The following STOX2 variants were observed in gnomAD, a reference collection of about 807,000 sequenced individuals.
The protein encoded by STOX2 is storkhead-box protein 2.
A neutral mutation model predicts 60.9 loss-of-function variants in STOX2; 28 were observed. The observed-to-expected ratio is 0.46, with a 90% CI of 0.34 to 0.63. The LOEUF (loss-of-function observed/expected upper bound fraction) is 0.63, where lower values mean the gene tolerates loss of function less well. Among genes scored for constraint, STOX2 ranks in the 30% least tolerant of loss-of-function variants. The pLI is 0.01. For missense variants in STOX2, 1,024 were observed against 1,187.7 expected, an observed-to-expected ratio of 0.86 and a Z score of 2.03; for synonymous variants, 472 against 463.9, an observed-to-expected ratio of 1.02 and a Z score of -0.22.
intron 1 of STOX2, among the ~76,000 whole-genome samples, chr4:183,999,059 C>T (rs1464688234): frequency 6.6e-6 from 1 of 151,460 alleles, no homozygotes; most frequent in Non-Finnish European, 1.5e-5. Flanking sequence ...AGCAAACAAA[C>T]AAAAAAACAA....
rs185465577 is a variant in STOX2, at chr4:183,971,597, A to G, written c.167-29728A>G. 2.4e-3 allele frequency among the ~76,000 whole-genome samples: 362 copies of G among 152,352 alleles called. 5 individuals carry two copies. Among genetic ancestry groups the G allele is most frequent in the East Asian group, 3.1e-3 (16 of 5,188 alleles). On this transcript the variant is annotated intron_variant, in intron 1 of 3. Coordinates refer to ENST00000308497, the MANE Select transcript of STOX2 (RefSeq NM_020225.3). Reference sequence around the variant, plus strand: ...AAAGGAAGCTAACTTTGAGTCACCCATATCTGTCCACTATTATCACAGAGG... The same window carrying G: ...AAAGGAAGCTAACTTTGAGTCACCCGTATCTGTCCACTATTATCACAGAGG...
chr4:183,862,560 G>A (rs1740472952), intron 1 of STOX2, among the ~76,000 whole-genome samples: 1 of 152,230 alleles, frequency 6.6e-6, no homozygotes, highest in Non-Finnish European at 1.5e-5. Context: ...TTCTGAAGAA[G>A]TGACAATGGG....
intron 1 of STOX2, among the ~76,000 whole-genome samples, chr4:183,877,009 G>A (rs916140296): frequency 4.6e-5 from 7 of 152,080 alleles, no homozygotes; most frequent in South Asian, 4.1e-4. Flanking sequence ...GCCACCACTC[G>A]GCTTCAGGAA....
chr4:183,859,949 C>G (rs1740392765), intron 1 of STOX2, among the ~76,000 whole-genome samples: 1 of 151,996 alleles, frequency 6.6e-6, no homozygotes, highest in South Asian at 2.1e-4. Context: ...TATTTACTGA[C>G]AGAATTTCCT....
chr4:184,009,512 C>T lies in STOX2; in HGVS notation c.674C>T (p.Pro225Leu). ...QRKSAKDCKD[P>L]YCPPSLCQVP... ...AAGTCTGCCAAGGACTGCAAAGACC[C>T]TTACTGTCCCCCTTCTCTGTGCCAG... The change falls in exon 3 of 4, where the codon CCT (proline) becomes CTT (leucine). Residue 225 changes from proline (P) to leucine (L), a missense_variant. Physicochemically the swap from Pro to Leu is moderately conservative, Grantham distance 98. Coordinates refer to ENST00000308497, the MANE Select transcript of STOX2 (RefSeq NM_020225.3). This position sits in a 1 kb window ranked among gnomAD's most constrained non-coding sequence, Gnocchi z 4.0. The T allele has an allele frequency of 2.5e-6, 4 of 1,614,032 alleles. No individual in the cohort carries two copies. The highest frequency in any genetic ancestry group is 3.4e-6 in the Non-Finnish European group (4 of 1,179,888).
intron 1 of STOX2, among the ~76,000 whole-genome samples, chr4:183,838,944 G>T (rs929619076): frequency 4.6e-5 from 7 of 152,164 alleles, no homozygotes; most frequent in African/African-American, 1.7e-4. Flanking sequence ...ATCACTGATT[G>T]TGCTAGCCAG....
intron 1 of STOX2, among the ~76,000 whole-genome samples, chr4:183,850,081 A>G (rs900654517): frequency 2.0e-5 from 3 of 151,986 alleles, no homozygotes; most frequent in African/African-American, 7.3e-5. Flanking sequence ...CTCCTGCCTC[A>G]GCCTCACAAG....
chr4:183,837,378 A>C (rs754640887), intron 1 of STOX2, among the ~76,000 whole-genome samples: 5 of 151,934 alleles, frequency 3.3e-5, no homozygotes, highest in Non-Finnish European at 7.4e-5. Context: ...TATTCTAGGT[A>C]CTTCCTATAA....
intron 1 of STOX2, among the ~76,000 whole-genome samples, chr4:183,971,219 T>C (rs1207008669): frequency 2.6e-5 from 4 of 152,236 alleles, no homozygotes; most frequent in Non-Finnish European, 4.4e-5. Context: ...TGAACATTAT[T>C]GAGGCAAAGT....
chr4:183,843,147 C>CAAAAAAAAA (rs60213127), intron 1 of STOX2, among the ~76,000 whole-genome samples: 1 of 102,208 alleles, frequency 9.8e-6, no homozygotes, highest in Admixed American at 1.0e-4. Context: ...GACTCCATCT[C>CAAAAAAAAA]AAAAAAAAAA....
At chr4:183,800,714 G>A (rs990068123) in intron 1 of STOX2, among the ~76,000 whole-genome samples, 1 of 152,196 alleles carries the variant, frequency 6.6e-6, no homozygotes, top group African/African-American at 2.4e-5. Flanking sequence ...TATCATTCTT[G>A]TGGGGGATAC....
intron 1 of STOX2, among the ~76,000 whole-genome samples, chr4:183,907,261 G>T (rs1741647344): frequency 6.6e-6 from 1 of 152,194 alleles, no homozygotes; most frequent in Admixed American, 6.5e-5. Context: ...GAGCTTTGTG[G>T]AGGATCCTGC....
At chr4:183,889,821 G>A (rs1741165260) in intron 1 of STOX2, among the ~76,000 whole-genome samples, 1 of 152,114 alleles carries the variant, frequency 6.6e-6, no homozygotes, top group Non-Finnish European at 1.5e-5. Flanking sequence ...AATATTCAAG[G>A]ATGGCTGGAA....
At chr4:184,015,102 T>G (rs1259707120) in intron 3 of STOX2, 1 of 152,238 alleles carries the variant, frequency 6.6e-6, no homozygotes, top group Non-Finnish European at 1.5e-5. Flanking sequence ...CCTTGATGCT[T>G]ACTTCTTCTT....
At chr4:183,864,689 C>T (rs192796735) in intron 1 of STOX2, among the ~76,000 whole-genome samples, 10 of 152,232 alleles carry the variant, frequency 6.6e-5, no homozygotes, top group Non-Finnish European at 1.0e-4. Context: ...CCACTGCGCC[C>T]GGCCAAATGG....
At chr4:183,942,704 A>G (rs1249549122) in intron 1 of STOX2, among the ~76,000 whole-genome samples, 1 of 152,204 alleles carries the variant, frequency 6.6e-6, no homozygotes, top group East Asian at 1.9e-4. Flanking sequence ...GCTTGAGAAA[A>G]CAAATGGCAG....
intron 3 of STOX2, chr4:184,015,352 A>C (rs1361442115): frequency 5.9e-5 from 9 of 152,182 alleles, no homozygotes; most frequent in African/African-American, 1.9e-4. Flanking sequence ...CATGTAGGCA[A>C]GTCTCACACT....
intron 1 of STOX2, among the ~76,000 whole-genome samples, chr4:183,819,120 G>T (rs1021209465): frequency 2.6e-5 from 4 of 151,828 alleles, no homozygotes; most frequent in Non-Finnish European, 4.4e-5. Context: ...AGGCAGAGAC[G>T]CTCCTCACTT....
chr4:183,901,596 TA>T (rs151259930), upstream of STOX2, among the ~76,000 whole-genome samples: 3 of 129,252 alleles, frequency 2.3e-5, no homozygotes, highest in African/African-American at 6.3e-5. Context: ...GGTTTTTGGG[TA>T]TTTTTTTTTT....
Sources: gnomAD v4.1 joint callset for allele counts (sites outside exome capture counted in the v4.1 genomes callset) on GRCh38, gnomAD v4.1.1 for gene constraint, Gnocchi (gnomAD v3.1) non-coding constraint, MANE v1.5 for transcripts, NCBI Gene and HGNC (gene_info 2026-07-23, HGNC 2026-07-21) for gene names.